PIKFYVE: variants seen among roughly 807,000 people sequenced by gnomAD.
PIKFYVE encodes phosphoinositide kinase, FYVE-type zinc finger containing.
A neutral mutation model predicts 257.9 loss-of-function variants in PIKFYVE; 122 were observed. That is an observed-to-expected ratio of 0.47 (90% CI 0.41 to 0.55). The LOEUF (loss-of-function observed/expected upper bound fraction) is 0.55. PIKFYVE is among the 20% of genes least tolerant of loss of function. PIKFYVE has a pLI of 0.00. For synonymous variants in PIKFYVE, 892 were observed against 868.9 expected, an observed-to-expected ratio of 1.03 and a Z score of -0.47; for missense variants, 2,160 against 2,536.6, an observed-to-expected ratio of 0.85 and a Z score of 3.19.
chr2:208,339,334 A>G, intron 29 of PIKFYVE, 84 bp from the exon 30 acceptor site: 2 of 1,493,392 alleles, frequency 1.3e-6, no homozygotes, highest in Non-Finnish European at 1.9e-6. Context: ...GGAAGTAGGC[A>G]TATGAATGAG....
chr2:208,301,605 G>T (rs1053553044), intron 9 of PIKFYVE, among the ~76,000 whole-genome samples: 1 of 152,218 alleles, frequency 6.6e-6, no homozygotes, highest in African/African-American at 2.4e-5. Context: ...GGTACGTAAT[G>T]AAGTAAAGAG....
chr2:208,268,543 TG>T (rs1688982100), intron 1 of PIKFYVE, among the ~76,000 whole-genome samples: 2 of 149,782 alleles, frequency 1.3e-5, no homozygotes, highest in African/African-American at 4.9e-5. Context: ...CCTAAAGTGC[TG>T]GGATTACAGA....
At chr2:208,337,664 A>G (rs752242521) in intron 28 of PIKFYVE, among the ~76,000 whole-genome samples, 3 of 152,044 alleles carry the variant, frequency 2.0e-5, no homozygotes, top group African/African-American at 4.8e-5. Context: ...TTAGAATGCA[A>G]TTCTCAAAGT....
chr2:208,331,307 T>TATA (rs1697517099), intron 23 of PIKFYVE, among the ~76,000 whole-genome samples: 1 of 152,214 alleles, frequency 6.6e-6, no homozygotes, highest in Non-Finnish European at 1.5e-5. Context: ...TTTTTTTAAA[T>TATA]ATATGATTTT....
At chr2:208,345,000 G>T in intron 32 of PIKFYVE, 111 bp from the exon 33 acceptor site, 1 of 752,268 alleles carries the variant, frequency 1.3e-6, no homozygotes, top group Non-Finnish European at 2.3e-6. Flanking sequence ...TTTAATTATG[G>T]AAACGTATAA....
At chr2:208,336,023 G>GA in intron 26 of PIKFYVE, 23 bp from the exon 27 acceptor site, 1 of 1,613,874 alleles carries the variant, frequency 6.2e-7, no homozygotes, top group Non-Finnish European at 8.5e-7. Flanking sequence ...TCTGTCTCCT[G>GA]AAGTTGTTTC....
In PIKFYVE at chr2:208,333,388, A is replaced by G. The variant is rs753839473; in HGVS notation, c.4037A>G (p.Tyr1346Cys). The G allele has an allele frequency of 1.2e-6, 2 of 1,614,060 alleles. No homozygotes were observed. The highest frequency in any genetic ancestry group is 1.7e-6 in the Non-Finnish European group (2 of 1,179,974). The change falls in exon 24 of 42, where the codon TAT becomes TGT. Residue 1346 changes from tyrosine (Y) to cysteine (C), a missense_variant. Physicochemically the swap from Tyr to Cys is radical, Grantham distance 194. Coordinates refer to ENST00000264380, the MANE Select transcript of PIKFYVE (RefSeq NM_015040.4). Reference sequence around the variant, plus strand: ...GCAAAATACCTTGAACTTAGGTTTTATGGGCACCAGTATACTCGCAGAGCC... The same window carrying G: ...GCAAAATACCTTGAACTTAGGTTTTGTGGGCACCAGTATACTCGCAGAGCC... ...SFAKYLELRF[Y>C]GHQYTRRANA...
chr2:208,307,163 T>C (rs1055549416), intron 12 of PIKFYVE, among the ~76,000 whole-genome samples: 1 of 152,164 alleles, frequency 6.6e-6, no homozygotes, highest in African/African-American at 2.4e-5. Flanking sequence ...GGCAGCACTT[T>C]TAAGAAAAAT....
intron 25 of PIKFYVE, 80 bp from the exon 26 acceptor site, chr2:208,335,713 G>A (rs1698063974): frequency 6.2e-6 from 7 of 1,123,924 alleles, no homozygotes; most frequent in Non-Finnish European, 9.4e-6. Flanking sequence ...CATTTTGCAT[G>A]TAGCTTTTTT....
chr2:208,294,842 C>T (rs991480125), intron 7 of PIKFYVE, among the ~76,000 whole-genome samples: 1 of 152,254 alleles, frequency 6.6e-6, no homozygotes, highest in East Asian at 1.9e-4. Flanking sequence ...ACAGAATGCT[C>T]TGACGTATTT....
At position 208,330,021 on chromosome 2, in the gene PIKFYVE, C is replaced by G. The variant is rs184112615; in HGVS notation, c.3791+108C>G. On this transcript the variant is annotated intron_variant, in intron 22 of 41. Transcript: ENST00000264380. The stretch of plus-strand genomic sequence containing the variant: ...TGTTAAGTGACTGTTACATGATCCT[C>G]ACTTTCATAGTGCATATCAGAGTAT... 1.9e-5 allele frequency: 28 copies of G among 1,443,614 alleles called. No homozygotes were observed. The East Asian group carries it at 6.8e-4, about 35-fold the overall frequency. 89.4% of individuals were successfully genotyped at this position (1,443,614 alleles called of 1,614,324 possible). A position where few individuals can be genotyped will look rare whatever the true frequency, so the allele number is the denominator to read the frequency against.
At position 208,357,915 on chromosome 2, in the gene PIKFYVE, CTTA is replaced by C. The variant is rs1398329265; in HGVS notation, c.*2613_*2615del. ...GTAACATGTTGCTTTGTATAAAAATCTTATTTATAAATGTGAAGCTTTTTGATG... is the reference window on the plus strand; with the variant it reads ...GTAACATGTTGCTTTGTATAAAAATCTTTATAAATGTGAAGCTTTTTGATG... On this transcript the variant is annotated 3_prime_UTR_variant, in exon 42 of 42. Transcript: ENST00000264380. 6.6e-6 allele frequency: 1 copy of C among 152,066 alleles called. No individual in the cohort carries two copies. The highest frequency in any genetic ancestry group is 2.4e-5 in the African/African-American group (1 of 41,404). 9.4% of individuals were successfully genotyped at this position (152,066 alleles called of 1,614,324 possible).
At chr2:208,341,125 A>G (rs930447441) in intron 31 of PIKFYVE, among the ~76,000 whole-genome samples, 1 of 151,852 alleles carries the variant, frequency 6.6e-6, no homozygotes, top group Admixed American at 6.6e-5. Context: ...CTCCTGCCTC[A>G]GCTTCCCAAG....
At chr2:208,300,425 G>A (rs1292691634) in intron 8 of PIKFYVE, among the ~76,000 whole-genome samples, 6 of 152,180 alleles carry the variant, frequency 3.9e-5, no homozygotes, top group Admixed American at 3.9e-4. Flanking sequence ...ACTACCTGGT[G>A]GAAGGCAATG....
intron 18 of PIKFYVE, 39 bp from the exon 19 acceptor site, chr2:208,324,872 T>C: frequency 6.2e-7 from 1 of 1,603,064 alleles, no homozygotes; most frequent in East Asian, 2.2e-5. Context: ...ATTTTTATTC[T>C]TCTCTAGTTT....
chr2:208,350,640 C>T (rs1699690392), intron 36 of PIKFYVE, 131 bp from the exon 37 acceptor site: 3 of 928,370 alleles, frequency 3.2e-6, no homozygotes, highest in Admixed American at 2.0e-5. Flanking sequence ...GGATTTGGAT[C>T]TAACATGCAA....
intron 1 of PIKFYVE, chr2:208,269,910 G>T: frequency 3.6e-6 from 1 of 275,076 alleles, no homozygotes; most frequent in South Asian, 5.5e-5. Flanking sequence ...AGCACCTTTG[G>T]AGATGGAGGG....
Position 208,345,179 on chromosome 2 carries a change from G to C in PIKFYVE, c.5096G>C (p.Gly1699Ala), listed in dbSNP as rs751693940. ...KATQWNSAEE[G>A]LPTNSTSDSR... The stretch of plus-strand genomic sequence containing the variant: ...ACTCAGTGGAACAGTGCCGAAGAAG[G>C]GCTTCCAACAAATAGGTGATTCATG... The change falls in exon 33 of 42, where the codon GGG (glycine) becomes GCG (alanine). Residue 1699 changes from glycine (G) to alanine (A), a missense_variant. By Grantham distance (60) the Gly-to-Ala change is moderately conservative. Transcript: ENST00000264380. 2.5e-6 allele frequency: 4 copies of C among 1,610,410 alleles called. No individual in the cohort carries two copies. Among genetic ancestry groups the C allele is most frequent in the Non-Finnish European group, 2.5e-6 (3 of 1,177,032 alleles).
At chr2:208,339,791 T>TA (rs1279013252) in intron 30 of PIKFYVE, among the ~76,000 whole-genome samples, 6 of 152,004 alleles carry the variant, frequency 3.9e-5, no homozygotes, top group Non-Finnish European at 5.9e-5. Context: ...CAGAGATGTT[T>TA]AAAAAAAACA....
Sources: allele counts gnomAD v4.1 joint callset (sites outside exome capture counted in the v4.1 genomes callset), GRCh38; gene constraint gnomAD v4.1.1; transcripts MANE v1.5; gene names NCBI Gene and HGNC (gene_info 2026-07-23, HGNC 2026-07-21).